Variants in SPON1 observed in about 807,000 individuals in gnomAD.
SPON1 encodes the protein spondin-1.
Under a neutral mutation model 111.7 loss-of-function variants are expected in SPON1, and 52 were observed. The observed-to-expected ratio is 0.47, with a 90% CI of 0.37 to 0.59. The LOEUF (loss-of-function observed/expected upper bound fraction) is 0.59. SPON1 is among the 20% of genes least tolerant of loss of function. SPON1 has a pLI of 0.00. For missense variants in SPON1, 957 were observed against 1,068.5 expected (o/e 0.90, Z 1.46); for synonymous variants, 410 against 395.8 (o/e 1.04, Z -0.43).
chr11:14,216,519 G>A (rs1415248304), intron 6 of SPON1, among the ~76,000 whole-genome samples: 1 of 152,130 alleles, frequency 6.6e-6, no homozygotes, highest in Non-Finnish European at 1.5e-5. Flanking sequence ...TCTGTTTTTT[G>A]TTTCTATAAC....
chr11:14,146,205 A>G (rs1847716627), intron 6 of SPON1, among the ~76,000 whole-genome samples: 1 of 145,090 alleles, frequency 6.9e-6, no homozygotes, highest in African/African-American at 2.6e-5. Flanking sequence ...GCTGGAGTGC[A>G]GTGGCACCGT....
intron 3 of SPON1, among the ~76,000 whole-genome samples, chr11:14,047,240 AT>A (rs1387526641): frequency 6.6e-6 from 1 of 152,170 alleles, no homozygotes; most frequent in Non-Finnish European, 1.5e-5. Flanking sequence ...CTTATTCCAG[AT>A]TTTAATGGGA....
intron 2 of SPON1, among the ~76,000 whole-genome samples, chr11:13,999,958 A>G (rs890971582): frequency 6.6e-6 from 1 of 152,196 alleles, no homozygotes; most frequent in Non-Finnish European, 1.5e-5. Context: ...TCCTTCTACC[A>G]GGTGGTTACT....
rs573553770 is a variant in SPON1, at chr11:14,023,004, G to A, written c.346-18517G>A. Among the ~76,000 whole-genome samples, 18 of 152,216 alleles carry A rather than the reference G, an allele frequency of 1.2e-4. No individual in the cohort carries two copies. In the South Asian group the frequency reaches 2.1e-3, roughly 18 times the overall value. On this transcript the variant is annotated intron_variant, in intron 2 of 15. Transcript: ENST00000576479. ...TCCTAACTCCTTAAGGTTTGTGGGC[G>A]GGATCATGTAGGATGACGACAGCCA...
At chr11:14,185,267 C>T (rs533558660) in intron 6 of SPON1, among the ~76,000 whole-genome samples, 1 of 152,230 alleles carries the variant, frequency 6.6e-6, no homozygotes, top group African/African-American at 2.4e-5. Context: ...AGCTATTGTT[C>T]ATTACTATTG....
intron 6 of SPON1, among the ~76,000 whole-genome samples, chr11:14,208,777 C>G (rs1848542501): frequency 6.6e-6 from 1 of 152,140 alleles, no homozygotes. Context: ...ACCAAATTGT[C>G]ATGTATAAAT....
intron 4 of SPON1, 71 bp downstream of exon 4, chr11:14,075,489 G>T: frequency 8.5e-7 from 1 of 1,179,250 alleles, no homozygotes. Flanking sequence ...CGATCCTCCT[G>T]CTGCAAGAAT....
chr11:14,107,114 A>G (rs1274045859), intron 5 of SPON1, among the ~76,000 whole-genome samples: 1 of 152,206 alleles, frequency 6.6e-6, no homozygotes, highest in Admixed American at 6.5e-5. Context: ...TGGAAAGAAC[A>G]ATGAAAAGCA....
intron 6 of SPON1, among the ~76,000 whole-genome samples, chr11:14,190,644 C>CTT (rs67284211): frequency 6.3e-4 from 82 of 130,636 alleles, no homozygotes; most frequent in Non-Finnish European, 1.1e-3. Context: ...TTTTCTTTTT[C>CTT]TTTTTTTTTT....
chr11:14,176,655 G>T (rs1848178986), intron 6 of SPON1, among the ~76,000 whole-genome samples: 1 of 152,152 alleles, frequency 6.6e-6, no homozygotes, highest in South Asian at 2.1e-4. Context: ...TACAGTTAAG[G>T]GACATCTCAG....
At chr11:14,187,913 C>T (rs1848304195) in intron 6 of SPON1, among the ~76,000 whole-genome samples, 1 of 152,182 alleles carries the variant, frequency 6.6e-6, no homozygotes, top group South Asian at 2.1e-4. Context: ...TCCTGAGTAG[C>T]TGGGATTACA....
At chr11:14,263,084 A>C in intron 15 of SPON1, 109 bp downstream of exon 15, 1 of 1,198,496 alleles carries the variant, frequency 8.3e-7, no homozygotes, top group Non-Finnish European at 1.1e-6. Context: ...AGTCGGGGAG[A>C]GTCTGCATCT....
intron 5 of SPON1, among the ~76,000 whole-genome samples, chr11:14,093,405 G>A (rs537232625): frequency 5.2e-4 from 79 of 152,316 alleles, no homozygotes; most frequent in Non-Finnish European, 1.1e-3. Flanking sequence ...TTTGACAAAT[G>A]CTCCTATCCC....
intron 6 of SPON1, among the ~76,000 whole-genome samples, chr11:14,195,510 G>A (rs1005720593): frequency 3.9e-5 from 6 of 152,266 alleles, no homozygotes; most frequent in East Asian, 1.9e-4. Flanking sequence ...TTACAGTGCC[G>A]GTCAAATTAT....
intron 2 of SPON1, among the ~76,000 whole-genome samples, chr11:14,022,576 A>C (rs1848488603): frequency 6.6e-6 from 1 of 152,160 alleles, no homozygotes; most frequent in Admixed American, 6.5e-5. Context: ...AATCCTCTGA[A>C]TCTGTTTCCT....
chr11:13,990,330 G>C, intron 2 of SPON1, among the ~76,000 whole-genome samples: 1 of 120,298 alleles, frequency 8.3e-6, no homozygotes, highest in East Asian at 2.8e-4. Flanking sequence ...GATCTTTGTT[G>C]GTTTAAAGTC....
intron 7 of SPON1, among the ~76,000 whole-genome samples, chr11:14,251,762 C>T (rs7946902): frequency 0.36 from 55,319 of 152,086 alleles, 10,368 homozygotes; most frequent in Admixed American, 0.46. Context: ...TACTAGAAGG[C>T]AGACCAGAAC....
chr11:14,024,441 G>A (rs1247085808), intron 2 of SPON1, among the ~76,000 whole-genome samples: 6 of 152,288 alleles, frequency 3.9e-5, no homozygotes, highest in African/African-American at 1.2e-4. Context: ...GGCCAGAAGA[G>A]GGATGGAGTG....
intron 6 of SPON1, among the ~76,000 whole-genome samples, chr11:14,163,379 C>G (rs982267018): frequency 6.6e-6 from 1 of 152,162 alleles, no homozygotes; most frequent in Admixed American, 6.6e-5. Flanking sequence ...CTAAGTGCAT[C>G]CCTTGTCATA....
Sources: gnomAD v4.1 joint callset for allele counts (sites outside exome capture counted in the v4.1 genomes callset) on GRCh38, gnomAD v4.1.1 for gene constraint, MANE v1.5 for transcripts, NCBI Gene and HGNC (gene_info 2026-07-23, HGNC 2026-07-21) for gene names.